The following OAS3 variants were observed in gnomAD, a reference collection of about 807,000 sequenced individuals.
OAS3 encodes the protein 2'-5'-oligoadenylate synthase 3.
A neutral mutation model predicts 113.0 loss-of-function variants in OAS3; 107 were observed. The ratio of observed to expected loss-of-function variants is 0.95; its 90% CI spans 0.81 to 1.11. OAS3 has a LOEUF of 1.11. Ranked by LOEUF, OAS3 falls within the 50% of genes most tolerant of loss-of-function variation. OAS3 has a pLI of 0.00. For synonymous variants in OAS3, 552 were observed against 573.6 expected (o/e 0.96, Z 0.54); for missense variants, 1,258 against 1,389.1 (o/e 0.91, Z 1.50).
At chr12:112,948,209 G>C in intron 5 of OAS3, 110 bp downstream of exon 5, 1 of 1,128,272 alleles carries the variant, frequency 8.9e-7, no homozygotes, top group Non-Finnish European at 1.2e-6. Context: ...TTAAAAAGCA[G>C]GGGTGGCCAG....
intron 8 of OAS3, 144 bp downstream of exon 8, chr12:112,961,390 C>G: frequency 4.2e-6 from 3 of 722,144 alleles, no homozygotes; most frequent in Non-Finnish European, 4.4e-6. Flanking sequence ...CCTCCATCCT[C>G]CATTTCCTGC....
Position 112,967,565 on chromosome 12 carries a change from T to G in OAS3, c.2837T>G (p.Ile946Ser). ...CGCCCTACCAAGCTGAAGAGCCTGA[T>G]CCGGCTGGTGAAGCACTGGTACCAG... is the stretch of plus-strand genomic sequence containing the variant. The part of the protein sequence containing the change: ...ISRPTKLKSL[I>S]RLVKHWYQQC... The change falls in exon 13 of 16, where the codon ATC becomes AGC. Residue 946 changes from isoleucine to serine, a missense_variant. Ile to Ser is a moderately radical substitution (Grantham distance 142). Coordinates refer to ENST00000228928, the MANE Select transcript of OAS3 (RefSeq NM_006187.4). 1 of 1,613,834 alleles carries G rather than the reference T, an allele frequency of 6.2e-7. No individual in the cohort carries two copies.
chr12:112,964,340 A>G lies in OAS3; in HGVS notation c.2335A>G (p.Thr779Ala). ...GGCCCAGGTGAACAAGGCCGTTGATACCATCTGTTCATTTTTGAAGGAAAA... is the reference window on the plus strand; with the variant it reads ...GGCCCAGGTGAACAAGGCCGTTGATGCCATCTGTTCATTTTTGAAGGAAAA... ...FLAQVNKAVDTICSFLKENCF... is the reference protein window; with the variant it reads ...FLAQVNKAVDAICSFLKENCF... Residue 779 changes from threonine to alanine, a missense_variant, in exon 11 of 16, where the codon ACC becomes GCC. Thr to Ala is a moderately conservative substitution (Grantham distance 58, BLOSUM62 0). Coordinates refer to ENST00000228928, the MANE Select transcript of OAS3 (RefSeq NM_006187.4). 6.2e-7 allele frequency: 1 copy of G among 1,611,976 alleles called. No individual in the cohort carries two copies. Among genetic ancestry groups the G allele is most frequent in the South Asian group, 1.1e-5 (1 of 90,266 alleles).
rs1397411711 is a variant in OAS3, at chr12:112,963,363, G to T, written c.2135G>T (p.Ser712Ile). ...ADPTWNVGHG[S>I]WELLAQEAAA... ...CCCACCTGGAACGTGGGCCACGGTAGCTGGGAGCTGTTGGCCCAGGAAGCA... is the reference window on the plus strand; with the variant it reads ...CCCACCTGGAACGTGGGCCACGGTATCTGGGAGCTGTTGGCCCAGGAAGCA... Residue 712 changes from serine (S) to isoleucine (I), a missense_variant, in exon 10 of 16, where the codon AGC (serine) becomes ATC (isoleucine). Coordinates refer to ENST00000228928, the MANE Select transcript of OAS3 (RefSeq NM_006187.4). This position sits in a 1 kb window ranked among gnomAD's most constrained non-coding sequence, Gnocchi z 4.6. 15 of 1,559,364 alleles carry T rather than the reference G, an allele frequency of 9.6e-6. No homozygotes were observed. Among genetic ancestry groups the T allele is most frequent in the Non-Finnish European group, 1.3e-5 (15 of 1,151,264 alleles).
At position 112,969,790 on chromosome 12, in the gene OAS3, TA is replaced by T. The variant is rs757165921; in HGVS notation, c.3252+36del. On this transcript the variant is annotated intron_variant, in intron 15 of 15. Transcript: ENST00000228928. ...CTGTGGTGCCAAAGGAAGTACCCTT[TA>T]GGGGTAAGGGGGGAGCATGGTCAGG... 1.1e-5 allele frequency: 17 copies of T among 1,608,624 alleles called. 1 individual carries two copies. The East Asian group carries it at 3.1e-4, about 30-fold the overall frequency.
In OAS3 at chr12:112,962,676, G is replaced by A; in HGVS notation, c.1858G>A (p.Gly620Arg). The A allele has an allele frequency of 6.2e-7, 1 of 1,613,998 alleles. No individual in the cohort carries two copies. The part of the protein sequence containing the change: ...RQVAAQNKGK[G>R]PAPASLPPAY... The stretch of plus-strand genomic sequence containing the variant: ...GGTTGCGGCTCAGAACAAAGGAAAA[G>A]GACCAGCCCCTGCCTCTCTGCCCCC... The change falls in exon 9 of 16, where the codon GGA becomes AGA. Residue 620 changes from glycine (G) to arginine (R), a missense_variant. Physicochemically the swap from Gly to Arg is moderately radical, Grantham distance 125 (BLOSUM62 -2). Transcript: ENST00000228928.
rs2043970799 is a variant in OAS3, at chr12:112,970,072, G to A, written c.*99G>A. 2.9e-6 allele frequency: 4 copies of A among 1,366,524 alleles called. No individual in the cohort carries two copies. In the African/African-American group the frequency reaches 4.3e-5, roughly 15 times the overall value. 84.6% of individuals were successfully genotyped at this position (1,366,524 alleles called of 1,614,324 possible). The stretch of plus-strand genomic sequence containing the variant: ...TCCCCTACCAGATGAGAGAGATTGT[G>A]TACATGTGTGTGTGAGCACATGTGT... On this transcript the variant is annotated 3_prime_UTR_variant, in exon 16 of 16. Transcript: ENST00000228928.
In OAS3 at chr12:112,954,270, C is replaced by T. The variant is rs564712290; in HGVS notation, c.1657+3295C>T. On this transcript the variant is annotated intron_variant, in intron 7 of 15. Transcript: ENST00000228928. This position sits in a 1 kb window ranked among gnomAD's most constrained non-coding sequence, Gnocchi z 4.0. ...AATCCTTTCCCCATTTCTTGTTTGT[C>T]TGTTTGTTTGTTTGTTGTTGTTGTT... Among the ~76,000 whole-genome samples the T allele has an allele frequency of 3.3e-5, 5 of 150,774 alleles. No individual in the cohort carries two copies. The South Asian group carries it at 1.1e-3, about 32-fold the overall frequency.
intron 14 of OAS3, among the ~76,000 whole-genome samples, chr12:112,968,393 T>C (rs1258996541): frequency 6.6e-6 from 1 of 152,202 alleles, no homozygotes; most frequent in African/African-American, 2.4e-5. Context: ...AAATTTGAAT[T>C]TCAGATAAAC....
intron 4 of OAS3, among the ~76,000 whole-genome samples, chr12:112,947,533 T>C (rs2136347237): frequency 6.6e-6 from 1 of 152,378 alleles, no homozygotes; most frequent in African/African-American, 2.4e-5. Flanking sequence ...TGTGTGAATT[T>C]ATCAAAATAT....
At chr12:112,947,697 G>A (rs1033638727) in intron 4 of OAS3, among the ~76,000 whole-genome samples, 46 of 152,328 alleles carry the variant, frequency 3.0e-4, no homozygotes, top group African/African-American at 1.0e-3. Context: ...ATTGTAGGGT[G>A]TAACTCAAGA....
intron 15 of OAS3, 61 bp downstream of exon 15, chr12:112,969,816 G>A: frequency 6.2e-7 from 1 of 1,600,430 alleles, no homozygotes; most frequent in Non-Finnish European, 8.5e-7. Flanking sequence ...GCATGGTCAG[G>A]GGAGGGACAT....
intron 7 of OAS3, among the ~76,000 whole-genome samples, chr12:112,957,005 A>G (rs1402945972): frequency 6.6e-6 from 1 of 152,186 alleles, no homozygotes; most frequent in African/African-American, 2.4e-5. Context: ...GACTTGCTTT[A>G]TGAATCTGGG....
chr12:112,947,208 A>C (rs1038971618), intron 4 of OAS3, among the ~76,000 whole-genome samples: 7 of 152,120 alleles, frequency 4.6e-5, no homozygotes, highest in African/African-American at 1.7e-4. Context: ...TTTATGCGTG[A>C]ATGTTTTGCT....
At position 112,949,229 on chromosome 12, in the gene OAS3, A is replaced by AGG. The variant is rs3214199; in HGVS notation, c.1374+29_1374+30dup. The stretch of plus-strand genomic sequence containing the variant: ...AAGTGAGTTGGGCCAGTGGAGACAC[A>AGG]GGGGGGACCCTATCGAGGGATCAGC... On this transcript the variant is annotated intron_variant, in intron 6 of 15. Transcript: ENST00000228928. The AGG allele has an allele frequency of 1.9e-3, 2,917 of 1,573,682 alleles. 38 individuals carry two copies. In the African/African-American group the frequency reaches 0.032, roughly 17 times the overall value.
chr12:112,959,134 C>A (rs1185203676), intron 7 of OAS3, among the ~76,000 whole-genome samples: 1 of 152,212 alleles, frequency 6.6e-6, no homozygotes, highest in African/African-American at 2.4e-5. Context: ...GGGCGTGTGA[C>A]CCTCCGTGCC....
intron 3 of OAS3, among the ~76,000 whole-genome samples, chr12:112,945,786 T>A (rs1477976466): frequency 6.6e-6 from 1 of 152,228 alleles, no homozygotes; most frequent in African/African-American, 2.4e-5. Context: ...GTTCTTTCCA[T>A]GTAAGATTCT....
intron 7 of OAS3, among the ~76,000 whole-genome samples, chr12:112,955,701 G>A (rs902632877): frequency 6.6e-6 from 1 of 152,206 alleles, no homozygotes; most frequent in Non-Finnish European, 1.5e-5. Flanking sequence ...GCTTTTTGAT[G>A]TGCTGCTGGA....
chr12:112,969,455 G>A, intron 14 of OAS3, 153 bp from the exon 15 acceptor site: 1 of 822,600 alleles, frequency 1.2e-6, no homozygotes, highest in Non-Finnish European at 1.9e-6. Context: ...TTCTATACCT[G>A]CCCTGTAGTG....
Sources: allele counts gnomAD v4.1 joint callset (sites outside exome capture counted in the v4.1 genomes callset), GRCh38; gene constraint gnomAD v4.1.1; non-coding constraint Gnocchi (gnomAD v3.1); transcripts MANE v1.5; gene names NCBI Gene and HGNC (gene_info 2026-07-23, HGNC 2026-07-21).